PPIP5K2: variants seen among roughly 807,000 people sequenced by gnomAD.
PPIP5K2 encodes the protein diphosphoinositol pentakisphosphate kinase 2, also known as inositol hexakisphosphate and diphosphoinositol-pentakisphosphate kinase 2.
A neutral mutation model predicts 154.6 loss-of-function variants in PPIP5K2; 105 were observed. That is an observed-to-expected ratio of 0.68 (90% confidence interval 0.58 to 0.80). The LOEUF (loss-of-function observed/expected upper bound fraction) is 0.80. PPIP5K2 is among the 30% of genes least tolerant of loss of function. PPIP5K2 has a pLI of 0.00. For synonymous variants in PPIP5K2, 480 were observed against 490.3 expected (o/e 0.98, Z 0.28); for missense variants, 992 against 1,504.6 (o/e 0.66, Z 5.64).
Position 103,186,352 on chromosome 5 carries a change from G to A in PPIP5K2, c.3202G>A (p.Val1068Met), listed in dbSNP as rs1554225015. The A allele has an allele frequency of 6.2e-7, 1 of 1,613,718 alleles. No homozygotes were observed. The highest frequency in any genetic ancestry group is 8.5e-7 in the Non-Finnish European group (1 of 1,179,880). Residue 1068 changes from valine to methionine, a missense_variant, in exon 27 of 31, where the codon GTG (valine) becomes ATG (methionine). Coordinates refer to ENST00000358359, the MANE Select transcript of PPIP5K2 (RefSeq NM_001276277.3). ...SHCAGLFSTS[V>M]LGGSSSAPNL... The stretch of plus-strand genomic sequence containing the variant: ...CTGTGCGGGCCTGTTTAGCACCTCG[G>A]TGCTCGGGGGTTCTTCAAGCGCACC...
intron 29 of PPIP5K2, among the ~76,000 whole-genome samples, chr5:103,194,027 A>G (rs1029378065): frequency 1.3e-5 from 2 of 152,194 alleles, no homozygotes; most frequent in Non-Finnish European, 2.9e-5. Flanking sequence ...ATAGGAAAAT[A>G]GTATCTTTTA....
At chr5:103,179,454 G>A (rs1160876768) in intron 23 of PPIP5K2, among the ~76,000 whole-genome samples, 1 of 152,016 alleles carries the variant, frequency 6.6e-6, no homozygotes, top group African/African-American at 2.4e-5. Flanking sequence ...GAGGATTCTT[G>A]CAATCTGGGA....
chr5:103,187,079 A>G (rs1800502412), intron 27 of PPIP5K2, among the ~76,000 whole-genome samples: 2 of 152,198 alleles, frequency 1.3e-5, no homozygotes, highest in South Asian at 2.1e-4. Context: ...TGGATTTACC[A>G]GAATTGCCAG....
rs7446037 is a variant in PPIP5K2, at chr5:103,203,250, A to G, written c.*1616A>G. ...AATTTTTAAAATTTTCTTATCTCTTACTTTTTAGTTTTCAAAGTAGAAAAA... is the reference window on the plus strand; with the variant it reads ...AATTTTTAAAATTTTCTTATCTCTTGCTTTTTAGTTTTCAAAGTAGAAAAA... On this transcript the variant is annotated 3_prime_UTR_variant, in exon 31 of 31. Transcript: ENST00000358359. 0.011 allele frequency: 1,711 copies of G among 152,608 alleles called. 11 individuals are homozygous for G. Among genetic ancestry groups the G allele is most frequent in the African/African-American group, 0.018 (745 of 41,574 alleles). The allele number at this position is 152,608 out of a possible 1,614,324, so 9.5% of individuals were successfully genotyped here.
At chr5:103,140,808 G>C (rs1554206311) in intron 5 of PPIP5K2, among the ~76,000 whole-genome samples, 1 of 142,872 alleles carries the variant, frequency 7.0e-6, no homozygotes, top group African/African-American at 2.6e-5. Flanking sequence ...CAGCACTCCC[G>C]CCTGGGCGAC....
intron 30 of PPIP5K2, among the ~76,000 whole-genome samples, chr5:103,200,498 G>A (rs781888370): frequency 5.3e-5 from 8 of 151,420 alleles, no homozygotes; most frequent in Non-Finnish European, 7.4e-5. Context: ...CTCATATTTA[G>A]TACAGAGTGT....
At chr5:103,182,758 T>C (rs980670013) in intron 24 of PPIP5K2, among the ~76,000 whole-genome samples, 2 of 152,210 alleles carry the variant, frequency 1.3e-5, no homozygotes, top group African/African-American at 2.4e-5. Flanking sequence ...TTCTAAGTTA[T>C]GTATATTGAA....
intron 2 of PPIP5K2, among the ~76,000 whole-genome samples, chr5:103,132,659 T>G (rs191758467): frequency 6.6e-6 from 1 of 152,330 alleles, no homozygotes; most frequent in Non-Finnish European, 1.5e-5. Flanking sequence ...GTATGAAATA[T>G]ATAAAGTATC....
At position 103,212,244 on chromosome 5, in the gene PPIP5K2, GAAAT is replaced by G. The variant is rs1803845388; in HGVS notation, c.*10614_*10617del. The G allele has an allele frequency of 6.6e-6, 1 of 152,438 alleles. No homozygotes were observed. The highest frequency in any genetic ancestry group is 1.5e-5 in the Non-Finnish European group (1 of 67,958). 9.4% of individuals were successfully genotyped at this position (152,438 alleles called of 1,614,324 possible). On this transcript the variant is annotated 3_prime_UTR_variant, in exon 31 of 31. Coordinates refer to ENST00000358359, the MANE Select transcript of PPIP5K2 (RefSeq NM_001276277.3). Reference sequence around the variant, plus strand: ...TGATAAGCCCTATAGGTCCATAAAAGAAATAAAATGCCAAAACATACCATGAGGA... The same window carrying G: ...TGATAAGCCCTATAGGTCCATAAAAGAAAATGCCAAAACATACCATGAGGA...
chr5:103,129,639 A>G lies in PPIP5K2; in HGVS notation c.50A>G (p.Asn17Ser). 2 of 1,609,898 alleles carry G rather than the reference A, an allele frequency of 1.2e-6. No individual in the cohort carries two copies. Among genetic ancestry groups the G allele is most frequent in the South Asian group, 2.2e-5 (2 of 90,238 alleles). The part of the protein sequence containing the change: ...FFVGPEDTEI[N>S]PGNYRHFFHH... ...GTTGGACCAGAAGATACAGAAATAA[A>G]TCCTGGAAATTATCGACATTTCTTC... The change falls in exon 2 of 31, where the codon AAT (asparagine) becomes AGT (serine). Residue 17 changes from asparagine to serine, a missense_variant. By Grantham distance (46) the Asn-to-Ser change is conservative (BLOSUM62 1). Transcript: ENST00000358359.
intron 5 of PPIP5K2, among the ~76,000 whole-genome samples, chr5:103,141,920 A>C (rs1347774870): frequency 6.6e-6 from 1 of 152,202 alleles, no homozygotes; most frequent in South Asian, 2.1e-4. Context: ...CCTGAGCTAG[A>C]CATAAGGACT....
chr5:103,154,736 A>G lies in PPIP5K2; in HGVS notation c.1284A>G (p.Lys428=), dbSNP rs1795133974. The G allele has an allele frequency of 6.3e-7, 1 of 1,588,396 alleles. No individual in the cohort carries two copies. The highest frequency in any genetic ancestry group is 8.6e-7 in the Non-Finnish European group (1 of 1,166,166). The stretch of plus-strand genomic sequence containing the variant: ...GGAAATTAAAACTCAAAAAACCAAA[A>G]CAGTTACAGGCAAGTGTATTTGCTT... ...KSGKLKLKKP[K]QLQEVLDIAR... is the part of the protein sequence containing the mutation. The change falls in exon 12 of 31, where the codon AAA becomes AAG. Residue 428 remains lysine (K), a synonymous_variant. Coordinates refer to ENST00000358359, the MANE Select transcript of PPIP5K2 (RefSeq NM_001276277.3).
rs938037411 is a variant in PPIP5K2 at position 103,211,611 on chromosome 5, G to T, written c.*9977G>T. 6.6e-6 allele frequency: 1 copy of T among 152,082 alleles called. No individual in the cohort carries two copies. The highest frequency in any genetic ancestry group is 1.5e-5 in the Non-Finnish European group (1 of 67,970). The allele number at this position is 152,082 out of a possible 1,614,324, so 9.4% of individuals were successfully genotyped here. A position where few individuals can be genotyped will look rare whatever the true frequency, so the allele number is the denominator to read the frequency against. ...TCTAAAATGCAAATGCCCTTTGAAGGCCAGCTTTATTAATCTTGCCATTAA... is the reference window on the plus strand; with the variant it reads ...TCTAAAATGCAAATGCCCTTTGAAGTCCAGCTTTATTAATCTTGCCATTAA... On this transcript the variant is annotated 3_prime_UTR_variant, in exon 31 of 31. Transcript: ENST00000358359.
In PPIP5K2 at chr5:103,180,136, A is replaced by C; in HGVS notation, c.2870A>C (p.His957Pro). The stretch of plus-strand genomic sequence containing the variant: ...AAACCAATGGTATCAGAGCCAATTC[A>C]TATACACAGGAAGTCTCCACTTCCA... The part of the protein sequence containing the change: ...LFKPMVSEPI[H>P]IHRKSPLPRS... Residue 957 changes from histidine to proline, a missense_variant, in exon 24 of 31, where the codon CAT (histidine) becomes CCT (proline). Around this residue, in one of 9 missense-constraint regions of PPIP5K2, gnomAD observed 204 missense variants for 224.0 expected, o/e 0.91. Transcript: ENST00000358359. 1 of 1,604,732 alleles carries C rather than the reference A, an allele frequency of 6.2e-7. No homozygotes were observed. Among genetic ancestry groups the C allele is most frequent in the Non-Finnish European group, 8.5e-7 (1 of 1,176,420 alleles).
At chr5:103,177,232 A>G (rs968402336) in intron 21 of PPIP5K2, among the ~76,000 whole-genome samples, 3 of 151,956 alleles carry the variant, frequency 2.0e-5, no homozygotes, top group Non-Finnish European at 2.9e-5. Context: ...ATATAGGTTG[A>G]ATATCTCTTA....
At position 103,186,340 on chromosome 5, in the gene PPIP5K2, T is replaced by C. The variant is rs1046289432; in HGVS notation, c.3190T>C (p.Phe1064Leu). The C allele has an allele frequency of 6.2e-7, 1 of 1,613,856 alleles. No individual in the cohort carries two copies. The highest frequency in any genetic ancestry group is 1.7e-5 in the Admixed American group (1 of 59,952). ...ATCAGGGTCTCACTGTGCGGGCCTG[T>C]TTAGCACCTCGGTGCTCGGGGGTTC... ...PTVGSHCAGL[F>L]STSVLGGSSS... Residue 1064 changes from phenylalanine (F) to leucine (L), a missense_variant, in exon 27 of 31, where the codon TTT becomes CTT. By Grantham distance (22) the Phe-to-Leu change is conservative. Transcript: ENST00000358359.
intron 3 of PPIP5K2, among the ~76,000 whole-genome samples, chr5:103,135,118 T>C (rs1791255847): frequency 6.6e-6 from 1 of 152,196 alleles, no homozygotes; most frequent in Non-Finnish European, 1.5e-5. Context: ...TCCTTTTCCA[T>C]AGATATTTAT....
chr5:103,147,662 G>A (rs1793964841), intron 6 of PPIP5K2, among the ~76,000 whole-genome samples: 1 of 151,928 alleles, frequency 6.6e-6, no homozygotes, highest in Non-Finnish European at 1.5e-5. Context: ...ACAAGCTTGA[G>A]TTACATGCAG....
chr5:103,206,527 A>G lies in PPIP5K2; in HGVS notation c.*4893A>G, dbSNP rs562490703. The G allele has an allele frequency of 1.3e-5, 2 of 152,210 alleles. No homozygotes were observed. The highest frequency in any genetic ancestry group is 2.9e-5 in the Non-Finnish European group (2 of 68,070). The allele number at this position is 152,210 out of a possible 1,614,324, so 9.4% of individuals were successfully genotyped here. On this transcript the variant is annotated 3_prime_UTR_variant, in exon 31 of 31. Transcript: ENST00000358359. ...AGATGATGGAGTCAGTTTTTCCGAA[A>G]AGCCTCAGCACTGTTGACATTTTGG...
Sources: allele counts gnomAD v4.1 joint callset (sites outside exome capture counted in the v4.1 genomes callset), GRCh38; gene constraint gnomAD v4.1.1; regional missense constraint gnomAD v4.1.1; transcripts MANE v1.5; gene names NCBI Gene and HGNC (gene_info 2026-07-23, HGNC 2026-07-21).